EPS15L1: variants seen among roughly 807,000 people sequenced by gnomAD.
EPS15L1 encodes the protein epidermal growth factor receptor pathway substrate 15 like 1.
Under a neutral mutation model 117.1 loss-of-function variants are expected in EPS15L1, and 43 were observed. That is an observed-to-expected ratio of 0.37 (90% confidence interval 0.29 to 0.47). EPS15L1 has a LOEUF of 0.47. Among genes scored for constraint, EPS15L1 ranks in the 20% least tolerant of loss-of-function variants. EPS15L1 has a pLI of 0.99. For missense variants in EPS15L1, 981 were observed against 1,164.0 expected (o/e 0.84, Z 2.29); for synonymous variants, 459 against 470.5 (o/e 0.98, Z 0.32).
At chr19:16,402,206 G>T in intron 16 of EPS15L1, 115 bp downstream of exon 16, 1 of 1,472,752 alleles carries the variant, frequency 6.8e-7, no homozygotes, top group South Asian at 1.5e-5. Context: ...ACAGACAGCC[G>T]CCTGCACTTG....
At chr19:16,431,814 A>G (rs1195911071) in intron 7 of EPS15L1, among the ~76,000 whole-genome samples, 1 of 152,246 alleles carries the variant, frequency 6.6e-6, no homozygotes, top group Non-Finnish European at 1.5e-5. Flanking sequence ...ACCCCACACT[A>G]CAACTATTAT....
At chr19:16,422,970 A>AG (rs34129551) in intron 9 of EPS15L1, among the ~76,000 whole-genome samples, 2,267 of 121,000 alleles carry the variant, frequency 0.019, 39 homozygotes, top group African/African-American at 0.051. Context: ...GGAAAAAAAA[A>AG]GGGGGGGGGG....
rs201830738 is a variant in EPS15L1, at chr19:16,425,174, T to C, written c.701A>G (p.Asp234Gly). The change falls in exon 9 of 24, where the codon GAC (aspartate) becomes GGC (glycine). Residue 234 changes from aspartate to glycine, a missense_variant. By Grantham distance (94) the Asp-to-Gly change is moderately conservative. Around this residue, in one of 5 missense-constraint regions of EPS15L1, gnomAD observed 819 missense variants for 949.0 expected, o/e 0.86. Coordinates refer to ENST00000455140, the MANE Select transcript of EPS15L1 (RefSeq NM_001258374.3). ...PVLPASPPPKDSLRSTPSHGS... is the reference protein window; with the variant it reads ...PVLPASPPPKGSLRSTPSHGS... ...GTGGGACGGCGTGGAGCGGAGGCTG[T>C]CTTTTGGTGGGGGGCTGGCAGGCAG... is the stretch of plus-strand genomic sequence containing the variant. The C allele has an allele frequency of 7.6e-5, 122 of 1,612,738 alleles. No homozygotes were observed. Among genetic ancestry groups the C allele is most frequent in the East Asian group, 1.1e-4 (5 of 44,748 alleles).
At chr19:16,380,104 A>C (rs1040256280) in intron 21 of EPS15L1, among the ~76,000 whole-genome samples, 4 of 152,176 alleles carry the variant, frequency 2.6e-5, no homozygotes, top group Admixed American at 1.3e-4. Flanking sequence ...ATCTGGTTAC[A>C]CAGATGCGGC....
Position 16,355,365 on chromosome 19 carries a change from A to G in EPS15L1, c.*340T>C, listed in dbSNP as rs1370928162. ...AGGGCGGGTGGGGATGTCTGCAGCT[A>G]TGAGTAGGGAGGAGGCGGGGAAGCC... On this transcript the variant is annotated 3_prime_UTR_variant, in exon 24 of 24. Coordinates refer to ENST00000455140, the MANE Select transcript of EPS15L1 (RefSeq NM_001258374.3). 1.6e-5 allele frequency: 4 copies of G among 244,616 alleles called. No individual in the cohort carries two copies. The highest frequency in any genetic ancestry group is 2.4e-5 in the Non-Finnish European group (3 of 127,074). 15.2% of individuals were successfully genotyped at this position (244,616 alleles called of 1,614,324 possible).
intron 9 of EPS15L1, among the ~76,000 whole-genome samples, chr19:16,423,185 T>A (rs1037717260): frequency 6.6e-6 from 1 of 152,180 alleles, no homozygotes; most frequent in Non-Finnish European, 1.5e-5. Context: ...GGATACCATG[T>A]GACCCAGATC....
intron 13 of EPS15L1, among the ~76,000 whole-genome samples, chr19:16,410,075 A>G (rs1023017434): frequency 5.9e-5 from 9 of 151,732 alleles, no homozygotes; most frequent in African/African-American, 1.7e-4. Flanking sequence ...CGGAGGCTGC[A>G]GTGAGCTGAG....
At chr19:16,421,582 A>T in intron 9 of EPS15L1, 106 bp from the exon 10 acceptor site, 2 of 1,209,228 alleles carry the variant, frequency 1.7e-6, no homozygotes, top group Non-Finnish European at 2.4e-6. Context: ...CACATTTGGC[A>T]TCAAACTCTC....
rs199804620 is a variant in EPS15L1 at position 16,421,507 on chromosome 19, T to C, written c.793-31A>G. The C allele has an allele frequency of 1.9e-3, 2,961 of 1,593,698 alleles. 7 individuals carry two copies. Among genetic ancestry groups the C allele is most frequent in the Middle Eastern group, 5.3e-3 (32 of 5,986 alleles). The stretch of plus-strand genomic sequence containing the variant: ...ACAGTTTTTGGCAAAACAGTTAATC[T>C]GGAAGCTTTTTATGACCCCCAGACA... On this transcript the variant is annotated intron_variant, in intron 9 of 23. Transcript: ENST00000455140.
intron 22 of EPS15L1, among the ~76,000 whole-genome samples, chr19:16,367,497 TAAAAAAAAAAAAAAAAA>T (rs71178691): frequency 1.5e-5 from 1 of 65,304 alleles, no homozygotes; most frequent in Non-Finnish European, 2.7e-5. Flanking sequence ...TATGTGCTGT[TAAAAAAAAAAAAAAAAA>T]AAAAAAAAAA....
At position 16,452,071 on chromosome 19, in the gene EPS15L1, G is replaced by A. The variant is rs148245403; in HGVS notation, c.34-9852C>T. ...GGAGAAATGCTTAAACCCAGGAGGC[G>A]TAGGTTGCAGTGAGCCAAGATCACG... is the stretch of plus-strand genomic sequence containing the variant. On this transcript the variant is annotated intron_variant, in intron 1 of 23. Coordinates refer to ENST00000455140, the MANE Select transcript of EPS15L1 (RefSeq NM_001258374.3). Among the ~76,000 whole-genome samples, 1,336 of 151,228 alleles carry A rather than the reference G, an allele frequency of 8.8e-3. 19 individuals carry two copies. Among genetic ancestry groups the A allele is most frequent in the African/African-American group, 0.031 (1,283 of 41,250 alleles).
chr19:16,376,958 G>A (rs2092303870), intron 22 of EPS15L1, among the ~76,000 whole-genome samples, 164 bp downstream of exon 22: 1 of 152,216 alleles, frequency 6.6e-6, no homozygotes, highest in South Asian at 2.1e-4. Context: ...ACGCACATAC[G>A]GCACTTGCGT....
At chr19:16,441,335 G>A in intron 3 of EPS15L1, 1 of 210,020 alleles carries the variant, frequency 4.8e-6, no homozygotes, top group Admixed American at 5.3e-5. Flanking sequence ...AGCCGGGCGT[G>A]GTGGCAGGTG....
intron 16 of EPS15L1, 98 bp downstream of exon 16, chr19:16,402,223 A>C: frequency 1.4e-6 from 2 of 1,476,988 alleles, no homozygotes; most frequent in Non-Finnish European, 9.0e-7. Flanking sequence ...CTTGGCTGGA[A>C]CCAACGTTGG....
At chr19:16,458,309 G>T (rs2093215962) in intron 1 of EPS15L1, among the ~76,000 whole-genome samples, 1 of 152,188 alleles carries the variant, frequency 6.6e-6, no homozygotes, top group Non-Finnish European at 1.5e-5. Context: ...TGAGCAGAAA[G>T]ATGGTTGCTG....
In EPS15L1 at chr19:16,413,905, C is replaced by T. The variant is rs138044111; in HGVS notation, c.1194-60G>A. 1.2e-4 allele frequency: 164 copies of T among 1,319,844 alleles called. No homozygotes were observed. The African/African-American group carries it at 2.0e-3, about 16-fold the overall frequency. The allele number at this position is 1,319,844 out of a possible 1,614,324, so 81.8% of individuals were successfully genotyped here. A position where few individuals can be genotyped will look rare whatever the true frequency, so the allele number is the denominator to read the frequency against. On this transcript the variant is annotated intron_variant, in intron 12 of 23. Coordinates refer to ENST00000455140, the MANE Select transcript of EPS15L1 (RefSeq NM_001258374.3). The stretch of plus-strand genomic sequence containing the variant: ...TGAATAATAAGCCTCCACCCCTTCC[C>T]AAGGCCTGATTCTGTTCACCCCCAC...
Position 16,392,375 on chromosome 19 carries a change from A to T in EPS15L1, c.2032T>A (p.Phe678Ile), listed in dbSNP as rs2092486362. The change falls in exon 19 of 24, where the codon TTC becomes ATC. Residue 678 changes from phenylalanine to isoleucine, a missense_variant. By Grantham distance (21) the Phe-to-Ile change is conservative (BLOSUM62 0). Around this residue, in one of 5 missense-constraint regions of EPS15L1, gnomAD observed 819 missense variants for 949.0 expected, o/e 0.86. Coordinates refer to ENST00000455140, the MANE Select transcript of EPS15L1 (RefSeq NM_001258374.3). The part of the protein sequence containing the change: ...PFRGSATDDF[F>I]KKQTKNDPFT... ...GGGTCATTCTTTGTCTGTTTCTTGA[A>T]GAAGTCGTCAGTGGCAGAGCCACGG... 1 of 1,614,088 alleles carries T rather than the reference A, an allele frequency of 6.2e-7. No homozygotes were observed. The highest frequency in any genetic ancestry group is 1.3e-5 in the African/African-American group (1 of 74,946).
chr19:16,431,467 C>T (rs575063676), intron 7 of EPS15L1, among the ~76,000 whole-genome samples: 10 of 151,778 alleles, frequency 6.6e-5, no homozygotes, highest in African/African-American at 2.2e-4. Context: ...CCATGCCCAG[C>T]TAATTTTTGT....
intron 17 of EPS15L1, among the ~76,000 whole-genome samples, 164 bp downstream of exon 17, chr19:16,395,180 A>G (rs2092526332): frequency 1.3e-5 from 2 of 150,362 alleles, no homozygotes; most frequent in Admixed American, 6.6e-5. Context: ...GGCTGACAGC[A>G]AGAGAGCGAG....
Sources: allele counts gnomAD v4.1 joint callset (sites outside exome capture counted in the v4.1 genomes callset), GRCh38; gene constraint gnomAD v4.1.1; regional missense constraint gnomAD v4.1.1; transcripts MANE v1.5; gene names NCBI Gene and HGNC (gene_info 2026-07-23, HGNC 2026-07-21).